FSTL4: variants seen among roughly 807,000 people sequenced by gnomAD.
The protein encoded by FSTL4 is follistatin like 4.
Under a neutral mutation model 78.2 loss-of-function variants are expected in FSTL4, and 28 were observed. That is an observed-to-expected ratio of 0.36 (90% CI 0.27 to 0.49). FSTL4 has a LOEUF of 0.49. FSTL4 is among the 20% of genes least tolerant of loss of function. The pLI is 0.98. For missense variants in FSTL4, 922 were observed against 1,084.9 expected, an observed-to-expected ratio of 0.85 and a Z score of 2.11; for synonymous variants, 422 against 440.5, an observed-to-expected ratio of 0.96 and a Z score of 0.53.
intron 4 of FSTL4, among the ~76,000 whole-genome samples, chr5:133,341,004 C>A (rs891320674): frequency 5.3e-5 from 8 of 151,954 alleles, no homozygotes; most frequent in African/African-American, 1.7e-4. Context: ...CACCCCAAGG[C>A]CCAGGTGCGG....
At chr5:133,818,565 C>T in the FSTL4 span, among the ~76,000 whole-genome samples, 2 of 152,132 alleles carry the variant, frequency 1.3e-5, no homozygotes, top group Admixed American at 6.5e-5. Context: ...TGATTCCCCA[C>T]CACAGAAACA....
intron 4 of FSTL4, among the ~76,000 whole-genome samples, chr5:133,353,600 G>C (rs543087557): frequency 6.6e-6 from 1 of 152,310 alleles, no homozygotes; most frequent in African/African-American, 2.4e-5. Context: ...TAGGTGAGGT[G>C]GGGGTGGGAC....
chr5:133,540,549 T>A (rs1358784244), intron 3 of FSTL4, among the ~76,000 whole-genome samples: 1 of 151,798 alleles, frequency 6.6e-6, no homozygotes, highest in East Asian at 1.9e-4. Context: ...TAGGTACCCC[T>A]CATGGATTTT....
chr5:133,557,391 A>C (rs1759812514), intron 3 of FSTL4, among the ~76,000 whole-genome samples: 1 of 152,210 alleles, frequency 6.6e-6, no homozygotes, highest in Non-Finnish European at 1.5e-5. Context: ...AGTAGACGTT[A>C]ATATGCTTAG....
At chr5:133,375,330 A>G (rs1469400008) in intron 4 of FSTL4, among the ~76,000 whole-genome samples, 2 of 144,280 alleles carry the variant, frequency 1.4e-5, no homozygotes, top group Non-Finnish European at 3.1e-5. Context: ...CTAAAGTTAC[A>G]TACCAAAATA....
intron 6 of FSTL4, among the ~76,000 whole-genome samples, chr5:133,255,734 G>T (rs757249821): frequency 6.6e-6 from 1 of 152,232 alleles, no homozygotes; most frequent in Non-Finnish European, 1.5e-5. Context: ...TTGGAGCTTG[G>T]AGAGAAGAGG....
At chr5:133,325,612 TGG>T (rs1183989406) in intron 4 of FSTL4, among the ~76,000 whole-genome samples, 1 of 152,100 alleles carries the variant, frequency 6.6e-6, no homozygotes, top group Non-Finnish European at 1.5e-5. Context: ...TGGGGGATGG[TGG>T]GTCTGCTCTG....
chr5:133,790,104 C>T, the FSTL4 span, among the ~76,000 whole-genome samples: 1 of 152,176 alleles, frequency 6.6e-6, no homozygotes, highest in Non-Finnish European at 1.5e-5. Context: ...CTACAAGAGC[C>T]TCCAGTTCCC....
rs374698359 is a variant in FSTL4, at chr5:133,231,097, G to A, written c.1015+2320C>T. Among the ~76,000 whole-genome samples the A allele has an allele frequency of 4.0e-5, 6 of 151,396 alleles. No individual in the cohort carries two copies. In the South Asian group the frequency reaches 6.3e-4, roughly 16 times the overall value. On this transcript the variant is annotated intron_variant, in intron 8 of 15. Coordinates refer to ENST00000265342, the MANE Select transcript of FSTL4 (RefSeq NM_015082.2). Reference sequence around the variant, plus strand: ...ACCCCAGCTCGGACATAGCTCCCACGCCTCTCACTCCTGCATCCTGGTCCC... The same window carrying A: ...ACCCCAGCTCGGACATAGCTCCCACACCTCTCACTCCTGCATCCTGGTCCC...
chr5:133,262,936 T>C (rs1393626057), intron 6 of FSTL4, among the ~76,000 whole-genome samples: 1 of 151,596 alleles, frequency 6.6e-6, no homozygotes, highest in Non-Finnish European at 1.5e-5. Context: ...GGTTTGGGTG[T>C]CGGGGGGTGG....
the FSTL4 span, among the ~76,000 whole-genome samples, chr5:133,654,125 A>G: frequency 3.5e-4 from 53 of 152,340 alleles, no homozygotes; most frequent in African/African-American, 1.2e-3. Context: ...TAGCAGCTCC[A>G]GCCCTTCTCT....
At chr5:133,787,917 G>A in the FSTL4 span, among the ~76,000 whole-genome samples, 3 of 152,326 alleles carry the variant, frequency 2.0e-5, no homozygotes, top group South Asian at 4.1e-4. Context: ...CCAAACATTT[G>A]CACATTGTTT....
intron 7 of FSTL4, among the ~76,000 whole-genome samples, chr5:133,245,347 T>C (rs1247059054): frequency 1.3e-5 from 2 of 152,174 alleles, no homozygotes; most frequent in Non-Finnish European, 2.9e-5. Flanking sequence ...TGTTTAATCT[T>C]AGGCTGGAAA....
chr5:133,452,999 T>C (rs1757413496), intron 3 of FSTL4, among the ~76,000 whole-genome samples: 1 of 152,230 alleles, frequency 6.6e-6, no homozygotes, highest in East Asian at 1.9e-4. Context: ...TGGTGCATTA[T>C]GAACTTGAAT....
At chr5:133,681,305 G>C in the FSTL4 span, among the ~76,000 whole-genome samples, 1 of 152,234 alleles carries the variant, frequency 6.6e-6, no homozygotes, top group Non-Finnish European at 1.5e-5. Context: ...AGCGGTGAGT[G>C]AGGCAGGGCA....
the FSTL4 span, among the ~76,000 whole-genome samples, chr5:133,672,167 T>C: frequency 6.6e-6 from 1 of 152,220 alleles, no homozygotes; most frequent in East Asian, 1.9e-4. Context: ...TCTTGGGATG[T>C]GCTTTGGACG....
chr5:133,620,007 T>C, the FSTL4 span, among the ~76,000 whole-genome samples: 1 of 152,324 alleles, frequency 6.6e-6, no homozygotes, highest in South Asian at 2.1e-4. Flanking sequence ...TTAACAAGTA[T>C]ATAATATTTA....
At chr5:133,702,575 A>T in the FSTL4 span, among the ~76,000 whole-genome samples, 1 of 152,168 alleles carries the variant, frequency 6.6e-6, no homozygotes, top group African/African-American at 2.4e-5. Context: ...ATCCTCCATC[A>T]TCCTTCAACA....
At position 133,608,063 on chromosome 5, in the gene FSTL4, T is replaced by G. The variant is rs145747562; in HGVS notation, c.-10-4070A>C. 2.2e-3 allele frequency among the ~76,000 whole-genome samples: 328 copies of G among 152,256 alleles called. 1 individual carries two copies. The highest frequency in any genetic ancestry group is 7.5e-3 in the African/African-American group (313 of 41,556). On this transcript the variant is annotated intron_variant, in intron 1 of 15. Coordinates refer to ENST00000265342, the MANE Select transcript of FSTL4 (RefSeq NM_015082.2). Reference sequence around the variant, plus strand: ...TTAATTACTCCTCAAATTCAAATAGTCCTACTGGCCTTCAGATAGAGGCAA... The same window carrying G: ...TTAATTACTCCTCAAATTCAAATAGGCCTACTGGCCTTCAGATAGAGGCAA...
Sources: gnomAD v4.1 joint callset for allele counts (sites outside exome capture counted in the v4.1 genomes callset) on GRCh38, gnomAD v4.1.1 for gene constraint, MANE v1.5 for transcripts, NCBI Gene and HGNC (gene_info 2026-07-23, HGNC 2026-07-21) for gene names.